Variants in PAWR observed in about 807,000 individuals in gnomAD.
PAWR encodes pro-apoptotic WT1 regulator.
A neutral mutation model predicts 32.0 loss-of-function variants in PAWR; 23 were observed. That is an observed-to-expected ratio of 0.72 (90% CI 0.52 to 1.02). The LOEUF is 1.02. PAWR is among the 50% of genes least tolerant of loss of function. PAWR has a pLI of 0.00. For synonymous variants in PAWR, 226 were observed against 187.1 expected, an observed-to-expected ratio of 1.21 and a Z score of -1.70; for missense variants, 457 against 437.7, an observed-to-expected ratio of 1.04 and a Z score of -0.39.
chr12:79,663,121 T>C (rs1418769588), intron 2 of PAWR, among the ~76,000 whole-genome samples: 2 of 152,196 alleles, frequency 1.3e-5, no homozygotes, highest in Non-Finnish European at 2.9e-5. Context: ...TTTTGTGTAA[T>C]GGGAAAATAA....
At chr12:79,657,075 G>C (rs1448008776) in intron 2 of PAWR, among the ~76,000 whole-genome samples, 1 of 152,262 alleles carries the variant, frequency 6.6e-6, no homozygotes, top group South Asian at 2.1e-4. Context: ...TCATCCGAAA[G>C]GTTGAAGGAA....
chr12:79,585,699 A>T lies in PAWR; in HGVS notation c.*6908T>A, dbSNP rs1873367577. ...ATTGTTACCTGAGATGCTTTGCTTCATTGAAACTATATTGATTATTTTTAT... is the reference window on the plus strand; with the variant it reads ...ATTGTTACCTGAGATGCTTTGCTTCTTTGAAACTATATTGATTATTTTTAT... On this transcript the variant is annotated 3_prime_UTR_variant, in exon 7 of 7. Transcript: ENST00000328827. The T allele has an allele frequency of 6.6e-6, 1 of 152,378 alleles. No homozygotes were observed. The highest frequency in any genetic ancestry group is 2.4e-5 in the African/African-American group (1 of 41,428). 9.4% of individuals were successfully genotyped at this position (152,378 alleles called of 1,614,324 possible). A position where few individuals can be genotyped will look rare whatever the true frequency, so the allele number is the denominator to read the frequency against.
chr12:79,690,559 C>T lies in PAWR; in HGVS notation c.-147-168G>A, dbSNP rs1878965846. The T allele has an allele frequency of 3.2e-5, 9 of 279,194 alleles. No individual in the cohort carries two copies. In the East Asian group the frequency reaches 5.5e-4, roughly 17 times the overall value. 17.3% of individuals were successfully genotyped at this position (279,194 alleles called of 1,614,324 possible). Reference sequence around the variant, plus strand: ...CTGCAAAGTTTCTCCCACGCACCTACAGTACGGACCCCGACGATCGCCGCC... The same window carrying T: ...CTGCAAAGTTTCTCCCACGCACCTATAGTACGGACCCCGACGATCGCCGCC... On this transcript the variant is annotated intron_variant, in intron 1 of 6. Transcript: ENST00000328827.
At chr12:79,676,662 A>G (rs1242145799) in intron 2 of PAWR, among the ~76,000 whole-genome samples, 1 of 152,146 alleles carries the variant, frequency 6.6e-6, no homozygotes, top group Non-Finnish European at 1.5e-5. Flanking sequence ...CTGTAGCCGG[A>G]TACATCAAAC....
chr12:79,657,660 G>A (rs1158548395), intron 2 of PAWR, among the ~76,000 whole-genome samples: 1 of 152,078 alleles, frequency 6.6e-6, no homozygotes, highest in Non-Finnish European at 1.5e-5. Flanking sequence ...TGGGCGTGGT[G>A]GCGGGCGCAT....
At chr12:79,602,930 A>G (rs1592493365) in intron 4 of PAWR, among the ~76,000 whole-genome samples, 1 of 152,226 alleles carries the variant, frequency 6.6e-6, no homozygotes, top group Admixed American at 6.5e-5. Flanking sequence ...AAACGAAAAG[A>G]GAATAAAGTC....
At chr12:79,682,464 C>G (rs376052926) in intron 2 of PAWR, among the ~76,000 whole-genome samples, 2 of 152,196 alleles carry the variant, frequency 1.3e-5, no homozygotes, top group Non-Finnish European at 2.9e-5. Flanking sequence ...ATTTCTTCAA[C>G]TACTTAAAAT....
intron 4 of PAWR, among the ~76,000 whole-genome samples, chr12:79,608,329 A>T (rs1874280721): frequency 6.6e-6 from 1 of 152,146 alleles, no homozygotes; most frequent in Non-Finnish European, 1.5e-5. Context: ...TGGTTTCGGG[A>T]TGAAACTGTT....
intron 4 of PAWR, among the ~76,000 whole-genome samples, chr12:79,607,746 T>TAA (rs201454009): frequency 1.4e-5 from 2 of 138,828 alleles, no homozygotes; most frequent in African/African-American, 5.0e-5. Context: ...AAAAAAAAAA[T>TAA]AATAATAATA....
intron 2 of PAWR, among the ~76,000 whole-genome samples, chr12:79,670,291 G>C (rs1877828102): frequency 6.6e-6 from 1 of 152,094 alleles, no homozygotes; most frequent in Non-Finnish European, 1.5e-5. Context: ...TATAGAAAAG[G>C]CTGGTTGGTT....
rs1000013756 is a variant in PAWR at position 79,666,324 on chromosome 12, G to C, written c.516+23405C>G. Among the ~76,000 whole-genome samples the C allele has an allele frequency of 3.3e-5, 5 of 152,086 alleles. No homozygotes were observed. In the East Asian group the frequency reaches 9.6e-4, roughly 29 times the overall value. ...ATTGTATCTCAAGGTAACTAAAACA[G>C]CTGATGAAAGGAAATTTCTCTATAT... is the stretch of plus-strand genomic sequence containing the variant. On this transcript the variant is annotated intron_variant, in intron 2 of 6. Transcript: ENST00000328827.
At chr12:79,678,647 T>C (rs1461331519) in intron 2 of PAWR, among the ~76,000 whole-genome samples, 1 of 152,254 alleles carries the variant, frequency 6.6e-6, no homozygotes, top group Non-Finnish European at 1.5e-5. Context: ...AAGCCTTCTG[T>C]GCAGTTCTGG....
intron 4 of PAWR, 93 bp from the exon 5 acceptor site, chr12:79,596,751 C>A (rs1873775769): frequency 2.7e-6 from 2 of 748,138 alleles, no homozygotes; most frequent in Admixed American, 3.0e-5. Context: ...AATTAACATT[C>A]CCCAAGGACA....
rs1376134282 is a variant in PAWR, at chr12:79,586,748, A to G, written c.*5859T>C. 1 of 152,158 alleles carries G rather than the reference A, an allele frequency of 6.6e-6. No homozygotes were observed. 9.4% of individuals were successfully genotyped at this position (152,158 alleles called of 1,614,324 possible). On this transcript the variant is annotated 3_prime_UTR_variant, in exon 7 of 7. Transcript: ENST00000328827. ...CAAAAGGAGCTTTTTCCTTTCTTTA[A>G]AAGGATTTTGATTCAGTCATAACAG...
chr12:79,648,792 A>AG (rs1555176092), intron 2 of PAWR, among the ~76,000 whole-genome samples: 1 of 148,776 alleles, frequency 6.7e-6, no homozygotes, highest in African/African-American at 2.6e-5. Flanking sequence ...AACAGGGGCT[A>AG]GAAAAAAAAA....
intron 2 of PAWR, among the ~76,000 whole-genome samples, chr12:79,626,065 G>C (rs1186778504): frequency 7.6e-6 from 1 of 131,712 alleles, no homozygotes. Context: ...TCGGGAGGCT[G>C]AGGCAGGAGA....
intron 5 of PAWR, among the ~76,000 whole-genome samples, chr12:79,595,279 C>T (rs1873709078): frequency 6.6e-6 from 1 of 151,766 alleles, no homozygotes; most frequent in Non-Finnish European, 1.5e-5. Context: ...AACAATGCAA[C>T]ATCTTTTTCA....
At chr12:79,651,745 A>T (rs968925080) in intron 2 of PAWR, among the ~76,000 whole-genome samples, 1 of 152,096 alleles carries the variant, frequency 6.6e-6, no homozygotes, top group Non-Finnish European at 1.5e-5. Flanking sequence ...TTCGATGCTT[A>T]AATTCCTTGG....
intron 2 of PAWR, among the ~76,000 whole-genome samples, chr12:79,638,790 G>GT (rs1876095467): frequency 9.5e-6 from 1 of 105,270 alleles, no homozygotes; most frequent in African/African-American, 3.8e-5. Context: ...TTATATTTGG[G>GT]GTGTGTGTGT....
Sources: gnomAD v4.1 joint callset for allele counts (sites outside exome capture counted in the v4.1 genomes callset) on GRCh38, gnomAD v4.1.1 for gene constraint, MANE v1.5 for transcripts, NCBI Gene and HGNC (gene_info 2026-07-23, HGNC 2026-07-21) for gene names.